The following PTPRM variants were observed in gnomAD, a reference collection of about 807,000 sequenced individuals.
The protein encoded by PTPRM is protein tyrosine phosphatase receptor type M.
Under a neutral mutation model 186.7 loss-of-function variants are expected in PTPRM, and 47 were observed. The ratio of observed to expected loss-of-function variants is 0.25; its 90% CI spans 0.20 to 0.32. The LOEUF is 0.32. Among genes scored for constraint, PTPRM ranks in the 10% least tolerant of loss-of-function variants. The probability of loss-of-function intolerance (pLI) is 1.00; values close to 1 mark genes in which losing one functional copy is unlikely to be tolerated. For missense variants in PTPRM, 1,494 were observed against 1,865.0 expected (o/e 0.80, Z 3.66); for synonymous variants, 668 against 674.9 (o/e 0.99, Z 0.16).
chr18:7,664,222 G>A (rs1055242938), intron 1 of PTPRM, among the ~76,000 whole-genome samples: 35 of 152,222 alleles, frequency 2.3e-4, no homozygotes, highest in African/African-American at 8.4e-4. Context: ...AGCCCTCACT[G>A]TGTGGAGGAG....
At chr18:8,394,009 G>A (rs2095832616) in intron 31 of PTPRM, among the ~76,000 whole-genome samples, 1 of 152,142 alleles carries the variant, frequency 6.6e-6, no homozygotes, top group African/African-American at 2.4e-5. Context: ...AGCCAGGAAG[G>A]TCTCGATCTC....
intron 22 of PTPRM, among the ~76,000 whole-genome samples, chr18:8,343,048 G>C (rs968233882): frequency 2.6e-5 from 4 of 152,034 alleles, no homozygotes; most frequent in Non-Finnish European, 5.9e-5. Flanking sequence ...CACTTCCCTG[G>C]GATATCTGCT....
chr18:8,072,199 G>A (rs964129344), intron 8 of PTPRM, among the ~76,000 whole-genome samples: 2 of 152,098 alleles, frequency 1.3e-5, no homozygotes, highest in South Asian at 2.1e-4. Context: ...TTGTTGATAA[G>A]CATTTAGTTC....
intron 1 of PTPRM, among the ~76,000 whole-genome samples, chr18:7,736,759 A>G (rs1223663690): frequency 2.0e-5 from 3 of 152,124 alleles, no homozygotes; most frequent in Non-Finnish European, 2.9e-5. Flanking sequence ...GAATAACATC[A>G]CTTTCTAAAT....
chr18:8,386,338 G>C (rs1177098980), intron 30 of PTPRM, among the ~76,000 whole-genome samples: 1 of 152,088 alleles, frequency 6.6e-6, no homozygotes, highest in African/African-American at 2.4e-5. Context: ...ATTGAGCCTG[G>C]GGGCTTCTGT....
intron 1 of PTPRM, among the ~76,000 whole-genome samples, chr18:7,577,654 A>G (rs1351294249): frequency 6.6e-6 from 1 of 152,106 alleles, no homozygotes; most frequent in Non-Finnish European, 1.5e-5. Flanking sequence ...TACTTTGACA[A>G]CAACCTCATA....
chr18:8,386,572 T>C (rs1031648772), intron 30 of PTPRM, among the ~76,000 whole-genome samples: 1 of 152,240 alleles, frequency 6.6e-6, no homozygotes, highest in Non-Finnish European at 1.5e-5. Flanking sequence ...TTTTTTGAAT[T>C]CTGCAATTCT....
At position 7,706,693 on chromosome 18, in the gene PTPRM, G is replaced by A. The variant is rs750068671; in HGVS notation, c.74-67456G>A. Among the ~76,000 whole-genome samples the A allele has an allele frequency of 8.5e-4, 129 of 151,232 alleles. 1 individual carries two copies. The highest frequency in any genetic ancestry group is 1.0e-3 in the Non-Finnish European group (69 of 67,906). Reference sequence around the variant, plus strand: ...TAAGGGATTGGAAACCAAGATTCTGGTATGGAGGGATGGACTATCCCAGCG... The same window carrying A: ...TAAGGGATTGGAAACCAAGATTCTGATATGGAGGGATGGACTATCCCAGCG... On this transcript the variant is annotated intron_variant, in intron 1 of 32. Transcript: ENST00000580170.
chr18:8,299,621 A>G (rs2095134494), intron 20 of PTPRM, among the ~76,000 whole-genome samples: 1 of 152,138 alleles, frequency 6.6e-6, no homozygotes, highest in Non-Finnish European at 1.5e-5. Context: ...ATAATAAAAC[A>G]CAAGATACTG....
At chr18:7,661,055 C>T (rs1483840265) in intron 1 of PTPRM, among the ~76,000 whole-genome samples, 1 of 152,122 alleles carries the variant, frequency 6.6e-6, no homozygotes, top group African/African-American at 2.4e-5. Flanking sequence ...CAGGATGAAT[C>T]ACTTCAGGCT....
At chr18:8,041,210 T>C (rs1475413255) in intron 7 of PTPRM, among the ~76,000 whole-genome samples, 2 of 152,232 alleles carry the variant, frequency 1.3e-5, no homozygotes, top group Admixed American at 6.5e-5. Flanking sequence ...TCTGTGAAGA[T>C]TGATACCATG....
intron 2 of PTPRM, among the ~76,000 whole-genome samples, chr18:7,808,443 G>A (rs1367969132): frequency 3.3e-5 from 5 of 152,202 alleles, no homozygotes; most frequent in Admixed American, 3.3e-4. Flanking sequence ...GATGAAATCT[G>A]TGTCTTCTTA....
At chr18:7,829,870 T>TC (rs916580471) in intron 2 of PTPRM, among the ~76,000 whole-genome samples, 5 of 152,276 alleles carry the variant, frequency 3.3e-5, no homozygotes, top group African/African-American at 1.2e-4. Context: ...CTATTTACTT[T>TC]CCCCCCTTTT....
intron 1 of PTPRM, among the ~76,000 whole-genome samples, chr18:7,679,781 C>T (rs2039436967): frequency 6.6e-6 from 1 of 152,044 alleles, no homozygotes; most frequent in Non-Finnish European, 1.5e-5. Flanking sequence ...CTAGTAGATT[C>T]TGTGAGTCTA....
At chr18:7,776,703 A>T (rs2042600538) in intron 2 of PTPRM, among the ~76,000 whole-genome samples, 1 of 152,186 alleles carries the variant, frequency 6.6e-6, no homozygotes, top group African/African-American at 2.4e-5. Flanking sequence ...ATCTAAAATG[A>T]TATATAATTA....
chr18:8,356,450 C>T (rs866533197), intron 23 of PTPRM, among the ~76,000 whole-genome samples: 3 of 152,244 alleles, frequency 2.0e-5, no homozygotes, highest in African/African-American at 7.2e-5. Flanking sequence ...ATCTTTTCCT[C>T]TGAGCCTGCA....
chr18:7,714,139 A>C (rs2040272793), intron 1 of PTPRM, among the ~76,000 whole-genome samples: 1 of 152,190 alleles, frequency 6.6e-6, no homozygotes. Flanking sequence ...CTCCTCAGCA[A>C]ATGCAAAAGA....
At position 8,406,212 on chromosome 18, in the gene PTPRM, C is replaced by T. The variant is rs759151559; in HGVS notation, c.*50C>T. On this transcript the variant is annotated 3_prime_UTR_variant, in exon 33 of 33. Transcript: ENST00000580170. Reference sequence around the variant, plus strand: ...TCCCTTTCATACCACAAAGCCAAGACGTTCCATGGTATTTGTGCAAAAGAG... The same window carrying T: ...TCCCTTTCATACCACAAAGCCAAGATGTTCCATGGTATTTGTGCAAAAGAG... 15 of 1,529,434 alleles carry T rather than the reference C, an allele frequency of 9.8e-6. No individual in the cohort carries two copies. Among genetic ancestry groups the T allele is most frequent in the African/African-American group, 2.7e-5 (2 of 72,772 alleles). 94.7% of individuals were successfully genotyped at this position (1,529,434 alleles called of 1,614,324 possible).
chr18:8,219,826 A>G (rs2094134414), intron 14 of PTPRM, among the ~76,000 whole-genome samples: 1 of 152,224 alleles, frequency 6.6e-6, no homozygotes, highest in African/African-American at 2.4e-5. Context: ...CCTGCTTAAC[A>G]AAAGCAGTGG....
Sources: allele counts gnomAD v4.1 joint callset (sites outside exome capture counted in the v4.1 genomes callset), GRCh38; gene constraint gnomAD v4.1.1; transcripts MANE v1.5; gene names NCBI Gene and HGNC (gene_info 2026-07-23, HGNC 2026-07-21).